The following PRKCE variants were observed in gnomAD, a reference collection of about 807,000 sequenced individuals.
The protein encoded by PRKCE is protein kinase C epsilon, also known as protein kinase C epsilon type.
Under a neutral mutation model 85.4 loss-of-function variants are expected in PRKCE, and 16 were observed. That is an observed-to-expected ratio of 0.19 (90% CI 0.13 to 0.28). The LOEUF is 0.28. Among genes scored for constraint, PRKCE ranks in the 10% least tolerant of loss-of-function variants. The pLI is 1.00. For missense variants in PRKCE, 573 were observed against 975.2 expected, an observed-to-expected ratio of 0.59 and a Z score of 5.49; for synonymous variants, 388 against 371.5, an observed-to-expected ratio of 1.04 and a Z score of -0.51.
At position 45,985,416 on chromosome 2, in the gene PRKCE, G is replaced by A. The variant is rs1703234859; in HGVS notation, c.823+736G>A. On this transcript the variant is annotated intron_variant, in intron 6 of 14. Transcript: ENST00000306156. ...AGAAGTGTGTCCAGTTTTATAAGCC[G>A]GTCCAGCCTGCTTGCACGGTTGGGC... Among the ~76,000 whole-genome samples the A allele has an allele frequency of 2.0e-5, 3 of 152,176 alleles. No individual in the cohort carries two copies. The South Asian group carries it at 6.2e-4, about 32-fold the overall frequency.
At chr2:46,003,268 A>G (rs1409661073) in intron 7 of PRKCE, among the ~76,000 whole-genome samples, 1 of 152,218 alleles carries the variant, frequency 6.6e-6, no homozygotes, top group Non-Finnish European at 1.5e-5. Flanking sequence ...CAACTAGTCC[A>G]TCATCCAGAA....
intron 10 of PRKCE, among the ~76,000 whole-genome samples, chr2:46,060,455 T>G (rs1158711112): frequency 6.6e-6 from 1 of 151,894 alleles, no homozygotes; most frequent in Admixed American, 6.6e-5. Flanking sequence ...GTCTGGGAGC[T>G]CTCCTGCTCC....
At chr2:45,750,158 G>A (rs1177706017) in intron 1 of PRKCE, among the ~76,000 whole-genome samples, 1 of 152,156 alleles carries the variant, frequency 6.6e-6, no homozygotes, top group East Asian at 1.9e-4. Context: ...AACATAAAAT[G>A]TACCGTTAGT....
At chr2:46,020,130 G>A (rs1265134442) in intron 10 of PRKCE, among the ~76,000 whole-genome samples, 1 of 152,132 alleles carries the variant, frequency 6.6e-6, no homozygotes, top group Non-Finnish European at 1.5e-5. Context: ...GATTACAGGT[G>A]TGAGCCACTG....
chr2:45,856,265 C>G (rs12989384), intron 2 of PRKCE, among the ~76,000 whole-genome samples: 3,154 of 152,202 alleles, frequency 0.021, 47 homozygotes, highest in Middle Eastern at 0.041. Context: ...GAGTCTTACT[C>G]TGTCACCCAG....
chr2:45,814,059 G>A (rs1173023384), intron 1 of PRKCE, among the ~76,000 whole-genome samples: 3 of 151,906 alleles, frequency 2.0e-5, no homozygotes, highest in Non-Finnish European at 4.4e-5. Context: ...TCCCCCTCCC[G>A]CACAGAGGGG....
At chr2:45,932,835 A>C (rs752375660) in intron 2 of PRKCE, among the ~76,000 whole-genome samples, 3 of 152,146 alleles carry the variant, frequency 2.0e-5, no homozygotes, top group Non-Finnish European at 1.5e-5. Flanking sequence ...TGTCTCCATG[A>C]ATTTTGACTA....
rs34888247 is a variant in PRKCE, at chr2:45,653,370, G to GTTTTTTTTTTTTTTTTTT, written c.348+930_348+947dup. ...TGCTTTTTGTGTTTGTTTTTGGGTT[G>GTTTTTTTTTTTTTTTTTT]TTTTTTTTTTTTTTTTTTTTTTTTT... On this transcript the variant is annotated intron_variant, in intron 1 of 14. Transcript: ENST00000306156. Among the ~76,000 whole-genome samples, 13 of 61,482 alleles carry GTTTTTTTTTTTTTTTTTT rather than the reference G, an allele frequency of 2.1e-4. 2 individuals are homozygous for GTTTTTTTTTTTTTTTTTT. The highest frequency in any genetic ancestry group is 7.7e-4 in the East Asian group (1 of 1,306). 40.3% of individuals were successfully genotyped at this position (61,482 alleles called of 152,430 possible). A position where few individuals can be genotyped will look rare whatever the true frequency, so the allele number is the denominator to read the frequency against.
chr2:45,995,957 A>G (rs1335699536), intron 6 of PRKCE, among the ~76,000 whole-genome samples: 1 of 152,214 alleles, frequency 6.6e-6, no homozygotes, highest in East Asian at 1.9e-4. Flanking sequence ...GAGTTTGGAA[A>G]GACATCTTGA....
At chr2:45,888,261 T>A (rs1288612523) in intron 2 of PRKCE, among the ~76,000 whole-genome samples, 1 of 152,138 alleles carries the variant, frequency 6.6e-6, no homozygotes, top group Admixed American at 6.6e-5. Context: ...CCCAAGGAGT[T>A]CTGGAGAACT....
chr2:46,121,424 G>C (rs1475917319), intron 11 of PRKCE, among the ~76,000 whole-genome samples: 1 of 152,186 alleles, frequency 6.6e-6, no homozygotes, highest in Admixed American at 6.5e-5. Flanking sequence ...GATGTCCCCT[G>C]GTTCTGTTCT....
intron 1 of PRKCE, among the ~76,000 whole-genome samples, chr2:45,683,935 T>C (rs554391721): frequency 1.3e-5 from 2 of 152,300 alleles, no homozygotes; most frequent in East Asian, 1.9e-4. Flanking sequence ...ACAGAAATAA[T>C]GTGGGAAGCT....
chr2:45,819,105 G>A (rs1222906982), intron 1 of PRKCE, among the ~76,000 whole-genome samples: 1 of 152,186 alleles, frequency 6.6e-6, no homozygotes, highest in African/African-American at 2.4e-5. Context: ...TTAATAACCA[G>A]GGAGATGCTG....
intron 1 of PRKCE, among the ~76,000 whole-genome samples, chr2:45,837,502 C>G (rs913749552): frequency 2.6e-5 from 4 of 152,172 alleles, no homozygotes; most frequent in African/African-American, 4.8e-5. Context: ...AGTGGTCCAC[C>G]TGCCTCAGTC....
At chr2:45,814,366 G>A (rs75339868) in intron 1 of PRKCE, among the ~76,000 whole-genome samples, 1 of 152,204 alleles carries the variant, frequency 6.6e-6, no homozygotes, top group African/African-American at 2.4e-5. Flanking sequence ...GTCGTCGGGG[G>A]CTCTGCAGAA....
chr2:46,061,707 C>T (rs905221098), intron 10 of PRKCE, among the ~76,000 whole-genome samples: 7 of 152,132 alleles, frequency 4.6e-5, no homozygotes, highest in African/African-American at 1.7e-4. Flanking sequence ...CATTTTAAAT[C>T]CCCTAGTTCC....
chr2:45,804,383 T>G (rs1262883663), intron 1 of PRKCE, among the ~76,000 whole-genome samples: 1 of 152,226 alleles, frequency 6.6e-6, no homozygotes, highest in East Asian at 1.9e-4. Flanking sequence ...CTGAATTCCA[T>G]TGAGAGGACC....
At chr2:45,992,409 G>T (rs557619522) in intron 6 of PRKCE, among the ~76,000 whole-genome samples, 5 of 152,232 alleles carry the variant, frequency 3.3e-5, no homozygotes, top group African/African-American at 1.2e-4. Context: ...ATGACATTTG[G>T]CCCAGCATGA....
At chr2:46,137,736 C>A (rs1675137068) in intron 11 of PRKCE, among the ~76,000 whole-genome samples, 1 of 148,040 alleles carries the variant, frequency 6.8e-6, no homozygotes, top group African/African-American at 2.5e-5. Flanking sequence ...CTAGTCTGGA[C>A]AACAGAGTGA....
Sources: allele counts gnomAD v4.1 joint callset (sites outside exome capture counted in the v4.1 genomes callset), GRCh38; gene constraint gnomAD v4.1.1; transcripts MANE v1.5; gene names NCBI Gene and HGNC (gene_info 2026-07-23, HGNC 2026-07-21).